LRRIQ3: variants seen among roughly 807,000 people sequenced by gnomAD.
LRRIQ3 encodes the protein leucine rich repeats and IQ motif containing 3, also known as leucine-rich repeat and IQ domain-containing protein 3.
LRRIQ3 carries 75 observed loss-of-function variants against 59.3 expected under a neutral mutation model. That is an observed-to-expected ratio of 1.26 (90% confidence interval 1.05 to 1.53). The LOEUF (loss-of-function observed/expected upper bound fraction) is 1.53. Among genes scored for constraint, LRRIQ3 ranks in the 40% most tolerant of loss-of-function variants. LRRIQ3 has a pLI of 0.00. For synonymous variants in LRRIQ3, 250 were observed against 231.3 expected, an observed-to-expected ratio of 1.08 and a Z score of -0.73; for missense variants, 831 against 710.0, an observed-to-expected ratio of 1.17 and a Z score of -1.94.
At chr1:74,103,876 C>G (rs1646569575) in intron 5 of LRRIQ3, among the ~76,000 whole-genome samples, 1 of 149,896 alleles carries the variant, frequency 6.7e-6, no homozygotes, top group Non-Finnish European at 1.5e-5. Context: ...TATGAAATTA[C>G]AGCAACCTCA....
chr1:74,078,309 T>C (rs556227321), intron 5 of LRRIQ3, among the ~76,000 whole-genome samples: 2 of 151,860 alleles, frequency 1.3e-5, no homozygotes, highest in Non-Finnish European at 2.9e-5. Context: ...TCAACGTTTA[T>C]ATAAATGAGA....
chr1:74,151,837 T>C (rs6672037), intron 4 of LRRIQ3, among the ~76,000 whole-genome samples: 129,218 of 152,066 alleles, frequency 0.85, 55,772 homozygotes, highest in East Asian at 0.97. Context: ...GAAACCACAG[T>C]CAGAGACAGC....
At chr1:74,029,726 G>A (rs568697740) in intron 7 of LRRIQ3, among the ~76,000 whole-genome samples, 51 of 152,214 alleles carry the variant, frequency 3.4e-4, no homozygotes, top group African/African-American at 1.2e-3. Context: ...TTGAGTTAGG[G>A]AGGATTCCTT....
At chr1:74,154,817 A>G (rs1304277867) in intron 4 of LRRIQ3, among the ~76,000 whole-genome samples, 2 of 152,222 alleles carry the variant, frequency 1.3e-5, no homozygotes, top group Non-Finnish European at 2.9e-5. Context: ...ATGTGAGATT[A>G]TGTTCTCTCA....
chr1:74,099,706 C>G lies in LRRIQ3; in HGVS notation c.867+9688G>C, dbSNP rs1033591654. Among the ~76,000 whole-genome samples the G allele has an allele frequency of 3.3e-5, 5 of 152,170 alleles. No individual in the cohort carries two copies. In the South Asian group the frequency reaches 1.0e-3, roughly 32 times the overall value. On this transcript the variant is annotated intron_variant, in intron 5 of 7. Transcript: ENST00000354431. ...AGCAACACATCAAAAAGCTTATCCA[C>G]CATGAACAAGTGTGCTTCATCCCTG... is the stretch of plus-strand genomic sequence containing the variant.
rs1570142982 is a variant in LRRIQ3 at position 74,116,997 on chromosome 1, C to CT, written c.708-7445dup. 2.0e-5 allele frequency among the ~76,000 whole-genome samples: 3 copies of CT among 151,960 alleles called. No individual in the cohort carries two copies. In the East Asian group the frequency reaches 5.8e-4, roughly 29 times the overall value. On this transcript the variant is annotated intron_variant, in intron 4 of 7. Coordinates refer to ENST00000354431, the MANE Select transcript of LRRIQ3 (RefSeq NM_001105659.2). Reference sequence around the variant, plus strand: ...ATGATTAGTTATAATGTAGTGCCACCTTTTAGTTCTTTTCTACTGTAAAAC... The same window carrying CT: ...ATGATTAGTTATAATGTAGTGCCACCTTTTTAGTTCTTTTCTACTGTAAAAC...
intron 4 of LRRIQ3, among the ~76,000 whole-genome samples, chr1:74,133,716 TG>T (rs1007565163): frequency 8.6e-5 from 5 of 57,992 alleles, no homozygotes; most frequent in East Asian, 5.5e-4. Flanking sequence ...TGTCGTGGGG[TG>T]GGGGGAAGGG....
At chr1:74,154,724 T>G (rs570480328) in intron 4 of LRRIQ3, among the ~76,000 whole-genome samples, 48 of 152,302 alleles carry the variant, frequency 3.2e-4, no homozygotes, top group South Asian at 2.5e-3. Flanking sequence ...AGAATTAATA[T>G]TTTAAATAAG....
intron 4 of LRRIQ3, among the ~76,000 whole-genome samples, chr1:74,146,423 G>C (rs1461818119): frequency 6.6e-6 from 1 of 152,050 alleles, no homozygotes; most frequent in Non-Finnish European, 1.5e-5. Flanking sequence ...TTTGTCTGCT[G>C]TTGTGTCTTC....
At chr1:74,073,914 G>A (rs1241729334) in intron 6 of LRRIQ3, among the ~76,000 whole-genome samples, 1 of 152,088 alleles carries the variant, frequency 6.6e-6, no homozygotes, top group Non-Finnish European at 1.5e-5. Context: ...CAGAATAAAT[G>A]TTGTAAAACA....
intron 4 of LRRIQ3, among the ~76,000 whole-genome samples, chr1:74,136,130 A>C (rs1248552900): frequency 6.6e-6 from 1 of 151,956 alleles, no homozygotes; most frequent in East Asian, 1.9e-4. Flanking sequence ...TGGAAAATGT[A>C]GATGAAATGG....
At chr1:74,143,764 A>G (rs1647380725) in intron 4 of LRRIQ3, among the ~76,000 whole-genome samples, 1 of 151,458 alleles carries the variant, frequency 6.6e-6, no homozygotes, top group Non-Finnish European at 1.5e-5. Flanking sequence ...TAATTCCAAA[A>G]TGAAGTCTCA....
chr1:74,097,920 AG>A (rs1035098544), intron 5 of LRRIQ3, among the ~76,000 whole-genome samples: 1 of 152,200 alleles, frequency 6.6e-6, no homozygotes, highest in African/African-American at 2.4e-5. Context: ...AAACATGGAA[AG>A]GAACAACCAG....
intron 1 of LRRIQ3, among the ~76,000 whole-genome samples, chr1:74,187,352 T>TTATA (rs113116485): frequency 2.1e-5 from 3 of 145,496 alleles, no homozygotes; most frequent in Non-Finnish European, 4.6e-5. Context: ...AGGTATATGT[T>TTATA]TACACACACA....
chr1:74,153,757 C>T (rs898460434), intron 4 of LRRIQ3, among the ~76,000 whole-genome samples: 1 of 151,792 alleles, frequency 6.6e-6, no homozygotes, highest in Non-Finnish European at 1.5e-5. Flanking sequence ...ATCAAAGAGG[C>T]AATATCCCAA....
chr1:74,029,218 C>T (rs1020735502), intron 7 of LRRIQ3, among the ~76,000 whole-genome samples: 1 of 152,038 alleles, frequency 6.6e-6, no homozygotes, highest in Non-Finnish European at 1.5e-5. Flanking sequence ...CTTTCTCCTG[C>T]CTGCTTGCCC....
intron 6 of LRRIQ3, among the ~76,000 whole-genome samples, chr1:74,058,756 G>C (rs1215292544): frequency 1.3e-5 from 2 of 151,972 alleles, no homozygotes; most frequent in African/African-American, 4.8e-5. Context: ...AAATGTTTGA[G>C]GCGATGAATA....
At chr1:74,061,467 C>A (rs1654719549) in intron 6 of LRRIQ3, among the ~76,000 whole-genome samples, 1 of 152,038 alleles carries the variant, frequency 6.6e-6, no homozygotes, top group Non-Finnish European at 1.5e-5. Flanking sequence ...AACCAAAATA[C>A]AGACTGAATA....
intron 6 of LRRIQ3, among the ~76,000 whole-genome samples, chr1:74,056,289 G>C (rs1259271802): frequency 1.3e-5 from 2 of 151,970 alleles, no homozygotes; most frequent in Non-Finnish European, 2.9e-5. Flanking sequence ...AAATTTTAAA[G>C]CTTTTTCTGT....
Sources: allele counts gnomAD v4.1 joint callset (sites outside exome capture counted in the v4.1 genomes callset), GRCh38; gene constraint gnomAD v4.1.1; transcripts MANE v1.5; gene names NCBI Gene and HGNC (gene_info 2026-07-23, HGNC 2026-07-21).